XNDC1N: variants seen among roughly 807,000 people sequenced by gnomAD.
The protein encoded by XNDC1N is XRCC1 N-terminal domain containing 1, N-terminal like, also known as protein XNDC1N.
the XNDC1N span, among the ~76,000 whole-genome samples, chr11:71,867,593 A>G: frequency 6.6e-6 from 1 of 152,174 alleles, no homozygotes; most frequent in Non-Finnish European, 1.5e-5. Flanking sequence ...ATGTAATTGT[A>G]TGGTTTTTAG....
the XNDC1N span, chr11:71,918,830 G>A: frequency 3.1e-3 from 2,141 of 696,906 alleles, 8 homozygotes; most frequent in South Asian, 4.3e-3. Context: ...AGTAGTTAGA[G>A]GGGACTGTCA....
the XNDC1N span, among the ~76,000 whole-genome samples, chr11:71,879,324 A>G: frequency 6.7e-6 from 1 of 150,212 alleles, no homozygotes; most frequent in Non-Finnish European, 1.5e-5. Flanking sequence ...TTTAACCACA[A>G]AACTAGCCAA....
the XNDC1N span, among the ~76,000 whole-genome samples, chr11:71,893,137 C>A: frequency 6.6e-6 from 1 of 152,158 alleles, no homozygotes; most frequent in African/African-American, 2.4e-5. Flanking sequence ...GAGAGAAGGA[C>A]ACTGTCATTG....
At chr11:71,885,403 A>G in the XNDC1N span, among the ~76,000 whole-genome samples, 1 of 152,154 alleles carries the variant, frequency 6.6e-6, no homozygotes, top group Non-Finnish European at 1.5e-5. Flanking sequence ...ATTAAGGACC[A>G]TCTCACACGG....
the XNDC1N span, among the ~76,000 whole-genome samples, chr11:71,902,358 A>G: frequency 6.6e-6 from 1 of 152,170 alleles, no homozygotes; most frequent in Non-Finnish European, 1.5e-5. Context: ...TACCGGGCGA[A>G]GTGTTTGTAT....
chr11:71,898,774 T>A, the XNDC1N span, among the ~76,000 whole-genome samples: 1 of 152,304 alleles, frequency 6.6e-6, no homozygotes, highest in African/African-American at 2.4e-5. Flanking sequence ...GATAAAACTG[T>A]TCTGGAGACG....
the XNDC1N span, among the ~76,000 whole-genome samples, chr11:71,898,163 G>A: frequency 1.3e-5 from 2 of 151,516 alleles, no homozygotes; most frequent in Non-Finnish European, 2.9e-5. Flanking sequence ...CAGCCTGTGC[G>A]ACAGAGTGAG....
the XNDC1N span, among the ~76,000 whole-genome samples, chr11:71,900,371 G>A: frequency 2.0e-5 from 3 of 152,016 alleles, no homozygotes; most frequent in African/African-American, 4.8e-5. Context: ...GGAGGGGCAG[G>A]CCACCCCTTC....
the XNDC1N span, chr11:71,894,072 C>T: frequency 1.9e-6 from 1 of 513,350 alleles, no homozygotes; most frequent in South Asian, 1.8e-5. Flanking sequence ...TCATGCATTT[C>T]CATAATACTA....
the XNDC1N span, among the ~76,000 whole-genome samples, chr11:71,908,224 A>C: frequency 0.027 from 4,115 of 151,608 alleles, 188 homozygotes; most frequent in African/African-American, 0.095. Context: ...TTGCTAATAA[A>C]AAGTTTTCAG....
chr11:71,870,731 T>C, the XNDC1N span, among the ~76,000 whole-genome samples: 2 of 151,910 alleles, frequency 1.3e-5, no homozygotes, highest in African/African-American at 2.4e-5. Flanking sequence ...GGGAGGTGAA[T>C]AGACATTTCT....
chr11:71,917,945 AG>A, the XNDC1N span, among the ~76,000 whole-genome samples: 1 of 141,442 alleles, frequency 7.1e-6, no homozygotes, highest in Non-Finnish European at 1.6e-5. Flanking sequence ...ATGAGACTCC[AG>A]TCCACCAAAT....
At chr11:71,923,382 A>T in the XNDC1N span, 1 of 702,650 alleles carries the variant, frequency 1.4e-6, no homozygotes, top group South Asian at 1.5e-5. Context: ...TTCAAGTACA[A>T]GACAAAAATG....
chr11:71,911,489 C>T, the XNDC1N span, among the ~76,000 whole-genome samples: 168 of 152,260 alleles, frequency 1.1e-3, no homozygotes, highest in Middle Eastern at 0.01. Context: ...GAGAGAGGTG[C>T]AGGGTATGCA....
the XNDC1N span, among the ~76,000 whole-genome samples, chr11:71,912,521 G>T: frequency 6.6e-6 from 1 of 152,158 alleles, no homozygotes. Flanking sequence ...GAATATCACA[G>T]GGGTGCTGTG....
the XNDC1N span, among the ~76,000 whole-genome samples, chr11:71,874,709 G>A: frequency 6.6e-6 from 1 of 152,102 alleles, no homozygotes; most frequent in Non-Finnish European, 1.5e-5. Context: ...TAGCTATGAA[G>A]AGAATCTATC....
the XNDC1N span, among the ~76,000 whole-genome samples, chr11:71,923,802 G>A: frequency 4.6e-5 from 7 of 152,048 alleles, no homozygotes; most frequent in South Asian, 4.2e-4. Flanking sequence ...TGATCCACCC[G>A]CCTCGGACTC....
the XNDC1N span, among the ~76,000 whole-genome samples, chr11:71,921,762 G>T: frequency 7.9e-5 from 12 of 152,224 alleles, no homozygotes; most frequent in African/African-American, 2.9e-4. Context: ...GGACATACTT[G>T]TCCCCCTCTC....
chr11:71,882,135 A>C, the XNDC1N span, among the ~76,000 whole-genome samples: 1 of 152,164 alleles, frequency 6.6e-6, no homozygotes, highest in Non-Finnish European at 1.5e-5. Flanking sequence ...ATCTATGGAC[A>C]ACCAAGGATA....
Sources: allele counts gnomAD v4.1 joint callset (sites outside exome capture counted in the v4.1 genomes callset), GRCh38; gene constraint gnomAD v4.1.1; transcripts MANE v1.5; gene names NCBI Gene and HGNC (gene_info 2026-07-23, HGNC 2026-07-21).